NKAIN2: variants seen among roughly 807,000 people sequenced by gnomAD.
The protein encoded by NKAIN2 is sodium/potassium-transporting ATPase subunit beta-1-interacting protein 2.
Under a neutral mutation model 32.6 loss-of-function variants are expected in NKAIN2, and 14 were observed. That is an observed-to-expected ratio of 0.43 (90% CI 0.28 to 0.67). NKAIN2 has a LOEUF of 0.67. Among genes scored for constraint, NKAIN2 ranks in the 30% least tolerant of loss-of-function variants. The pLI is 0.17. For missense variants in NKAIN2, 198 were observed against 258.3 expected (o/e 0.77, Z 1.60); for synonymous variants, 80 against 87.2 (o/e 0.92, Z 0.46).
At chr6:124,329,836 C>T (rs147905029) in intron 2 of NKAIN2, among the ~76,000 whole-genome samples, 1 of 152,132 alleles carries the variant, frequency 6.6e-6, no homozygotes, top group African/African-American at 2.4e-5. Flanking sequence ...TCTCTAGTAG[C>T]AATACAGTAT....
At chr6:123,842,800 CTG>C (rs941863142) in intron 1 of NKAIN2, among the ~76,000 whole-genome samples, 4 of 152,094 alleles carry the variant, frequency 2.6e-5, no homozygotes, top group African/African-American at 9.7e-5. Context: ...GTCTGAGTGT[CTG>C]TAGTTTTTGC....
intron 5 of NKAIN2, among the ~76,000 whole-genome samples, chr6:124,812,327 C>T (rs1367440491): frequency 6.6e-6 from 1 of 152,176 alleles, no homozygotes; most frequent in Non-Finnish European, 1.5e-5. Flanking sequence ...TTCTGTGCTC[C>T]AATCAATTGC....
intron 1 of NKAIN2, among the ~76,000 whole-genome samples, chr6:123,895,005 G>A (rs893286673): frequency 1.3e-5 from 2 of 151,878 alleles, no homozygotes; most frequent in Non-Finnish European, 2.9e-5. Flanking sequence ...GAGGCTCAAG[G>A]CATTTATAGG....
intron 5 of NKAIN2, among the ~76,000 whole-genome samples, chr6:124,793,525 GT>G (rs1779838986): frequency 1.3e-5 from 2 of 152,088 alleles, no homozygotes; most frequent in South Asian, 4.2e-4. Context: ...GGGCTATGTT[GT>G]TTGATTTCAT....
At chr6:124,624,910 A>AGAC (rs1562290738) in intron 3 of NKAIN2, among the ~76,000 whole-genome samples, 22 of 145,064 alleles carry the variant, frequency 1.5e-4, no homozygotes, top group African/African-American at 5.6e-4. Context: ...GTTCTTTTAA[A>AGAC]TAGACTAAAG....
chr6:124,235,661 CG>C (rs1792711884), intron 1 of NKAIN2, among the ~76,000 whole-genome samples: 1 of 150,902 alleles, frequency 6.6e-6, no homozygotes, highest in Non-Finnish European at 1.5e-5. Flanking sequence ...TGCAATGGTG[CG>C]GTCTTAGCTC....
chr6:124,764,128 G>T (rs768683524), intron 4 of NKAIN2, among the ~76,000 whole-genome samples: 5 of 152,058 alleles, frequency 3.3e-5, no homozygotes, highest in Non-Finnish European at 7.4e-5. Flanking sequence ...TTTTTAATTT[G>T]TAGGTTCTTA....
At chr6:124,558,492 T>A (rs539203175) in intron 3 of NKAIN2, among the ~76,000 whole-genome samples, 2 of 152,344 alleles carry the variant, frequency 1.3e-5, no homozygotes, top group Non-Finnish European at 2.9e-5. Context: ...AGGAAGGGTT[T>A]ACTTTGATTG....
chr6:124,685,177 T>C (rs1188074713), intron 4 of NKAIN2, among the ~76,000 whole-genome samples: 1 of 152,140 alleles, frequency 6.6e-6, no homozygotes, highest in Non-Finnish European at 1.5e-5. Flanking sequence ...TTTGAGATAT[T>C]TCTCATATGA....
At chr6:124,664,635 A>G (rs1316797524) in intron 4 of NKAIN2, among the ~76,000 whole-genome samples, 2 of 150,352 alleles carry the variant, frequency 1.3e-5, no homozygotes, top group Non-Finnish European at 3.0e-5. Flanking sequence ...TCTACTAAAA[A>G]TACAAAAAAT....
chr6:124,286,154 T>C (rs1399162120), intron 2 of NKAIN2, among the ~76,000 whole-genome samples: 1 of 152,150 alleles, frequency 6.6e-6, no homozygotes, highest in African/African-American at 2.4e-5. Context: ...AACATGTCTG[T>C]GTATGCTATA....
At chr6:124,319,176 C>A (rs1049185172) in intron 2 of NKAIN2, among the ~76,000 whole-genome samples, 1 of 151,912 alleles carries the variant, frequency 6.6e-6, no homozygotes, top group African/African-American at 2.4e-5. Flanking sequence ...AAACTATAGT[C>A]CAGAGAATTT....
intron 1 of NKAIN2, among the ~76,000 whole-genome samples, chr6:124,241,686 C>T (rs1483043021): frequency 2.0e-5 from 3 of 152,154 alleles, no homozygotes; most frequent in Non-Finnish European, 1.5e-5. Flanking sequence ...ACTGGCTAGC[C>T]ATATGCACCC....
intron 1 of NKAIN2, among the ~76,000 whole-genome samples, chr6:123,948,346 C>A (rs561718857): frequency 1.3e-5 from 2 of 152,010 alleles, no homozygotes. Flanking sequence ...AATTTCCATA[C>A]TCTTTTCCAT....
rs558904194 is a variant in NKAIN2, at chr6:123,842,352, C to T, written c.54+38098C>T. On this transcript the variant is annotated intron_variant, in intron 1 of 6. Transcript: ENST00000368417. ...TTCCTGGCTTGTAGATGGGCACCTT[C>T]TTAATATCCTTATGTGGTGGAGTAA... Among the ~76,000 whole-genome samples, 8 of 152,254 alleles carry T rather than the reference C, an allele frequency of 5.3e-5. No homozygotes were observed. The South Asian group carries it at 1.7e-3, about 32-fold the overall frequency.
At chr6:124,585,294 G>T (rs891797413) in intron 3 of NKAIN2, among the ~76,000 whole-genome samples, 3 of 152,160 alleles carry the variant, frequency 2.0e-5, no homozygotes, top group African/African-American at 7.2e-5. Context: ...GTAGAACAAT[G>T]GTTACCAGAG....
chr6:124,754,583 G>C (rs1202893475), intron 4 of NKAIN2, among the ~76,000 whole-genome samples: 1 of 152,032 alleles, frequency 6.6e-6, no homozygotes, highest in East Asian at 1.9e-4. Flanking sequence ...AAGCTACAAT[G>C]AGATACCATC....
intron 4 of NKAIN2, 63 bp from the exon 5 acceptor site, chr6:124,791,276 C>T: frequency 7.9e-7 from 1 of 1,265,770 alleles, no homozygotes; most frequent in Non-Finnish European, 1.2e-6. Context: ...AAAAGCCACT[C>T]TCCAGTGAGG....
rs555962381 is a variant in NKAIN2, at chr6:123,945,902, CACA to C, written c.54+141650_54+141652del. Among the ~76,000 whole-genome samples the C allele has an allele frequency of 8.4e-4, 128 of 152,256 alleles. 1 individual carries two copies. Among genetic ancestry groups the C allele is most frequent in the African/African-American group, 3.1e-3 (127 of 41,560 alleles). ...CCACTATGGATGACTGAGCCTTCAG[CACA>C]ATTTCACCCTTAAATTATTAGACTG... On this transcript the variant is annotated intron_variant, in intron 1 of 6. Transcript: ENST00000368417.
Sources: gnomAD v4.1 joint callset for allele counts (sites outside exome capture counted in the v4.1 genomes callset) on GRCh38, gnomAD v4.1.1 for gene constraint, MANE v1.5 for transcripts, NCBI Gene and HGNC (gene_info 2026-07-23, HGNC 2026-07-21) for gene names.